TAAR5: variants seen among roughly 807,000 people sequenced by gnomAD.
TAAR5 encodes trace amine associated receptor 5.
TAAR5 carries 27 observed loss-of-function variants against 21.1 expected under a neutral mutation model. That is an observed-to-expected ratio of 1.28 (90% CI 0.94 to 1.76). The LOEUF is 1.76. TAAR5 is among the 40% of genes most tolerant of loss of function. TAAR5 has a pLI of 0.00. For missense variants in TAAR5, 495 were observed against 405.6 expected, an observed-to-expected ratio of 1.22 and a Z score of -1.89; for synonymous variants, 203 against 167.5, an observed-to-expected ratio of 1.21 and a Z score of -1.64.
At chr6:132,593,273 T>C (rs1212541910), upstream of TAAR5, among the ~76,000 whole-genome samples, 1 of 152,168 alleles carries the variant, frequency 6.6e-6, no homozygotes, top group Non-Finnish European at 1.5e-5. Flanking sequence ...ACAACACATA[T>C]TACCCTGTAG....
At position 132,588,653 on chromosome 6, in the gene TAAR5, C is replaced by A; in HGVS notation, c.*20G>T. Reference sequence around the variant, plus strand: ...CTTTCCTGTGAGGTCCTACTCCTTGCCTGCATTTAGTAGAAGGAATCATTC... The same window carrying A: ...CTTTCCTGTGAGGTCCTACTCCTTGACTGCATTTAGTAGAAGGAATCATTC... On this transcript the variant is annotated 3_prime_UTR_variant, in exon 1 of 1. Coordinates refer to ENST00000258034, the MANE Select transcript of TAAR5 (RefSeq NM_003967.3). 6.3e-7 allele frequency: 1 copy of A among 1,592,564 alleles called. No individual in the cohort carries two copies.
At chr6:132,610,765 A>G in the TAAR5 span, among the ~76,000 whole-genome samples, 4 of 152,178 alleles carry the variant, frequency 2.6e-5, no homozygotes, top group Middle Eastern at 3.2e-3. Context: ...ACTTCCAAAG[A>G]GGAGGTAGCA....
At chr6:132,614,339 T>C in the TAAR5 span, among the ~76,000 whole-genome samples, 1 of 152,226 alleles carries the variant, frequency 6.6e-6, no homozygotes, top group Non-Finnish European at 1.5e-5. Flanking sequence ...TGCCACTATA[T>C]AAAAATTTAC....
At chr6:132,604,633 C>T in the TAAR5 span, among the ~76,000 whole-genome samples, 111 of 152,176 alleles carry the variant, frequency 7.3e-4, no homozygotes, top group East Asian at 2.5e-3. Context: ...AGGAGAGATT[C>T]GACGTGCAAG....
chr6:132,602,363 C>A, the TAAR5 span, among the ~76,000 whole-genome samples: 1 of 152,134 alleles, frequency 6.6e-6, no homozygotes, highest in Admixed American at 6.6e-5. Flanking sequence ...ATGGCTCCAT[C>A]CAGGGGTGAT....
chr6:132,590,584 AATG>A (rs1227093627), upstream of TAAR5, among the ~76,000 whole-genome samples: 1 of 152,230 alleles, frequency 6.6e-6, no homozygotes, highest in Non-Finnish European at 1.5e-5. Context: ...TGTTGGCCAC[AATG>A]ACAGGTGTGC....
chr6:132,609,032 C>G, the TAAR5 span: 1 of 455,516 alleles, frequency 2.2e-6, no homozygotes, highest in South Asian at 1.6e-5. Flanking sequence ...GGCATAATGA[C>G]AAAACCCAGC....
In TAAR5 at chr6:132,589,590, T is replaced by G; in HGVS notation, c.97A>C (p.Ile33Leu). 1 of 1,613,910 alleles carries G rather than the reference T, an allele frequency of 6.2e-7. No individual in the cohort carries two copies. Among genetic ancestry groups the G allele is most frequent in the Non-Finnish European group, 8.5e-7 (1 of 1,179,928 alleles). Residue 33 changes from isoleucine to leucine, a missense_variant, in exon 1 of 1, where the codon ATC becomes CTC. Ile to Leu is a conservative substitution (Grantham distance 5). Coordinates refer to ENST00000258034, the MANE Select transcript of TAAR5 (RefSeq NM_003967.3). ...SCPRTVHTLG[I>L]QLVIYLACAA... Reference sequence around the variant, plus strand: ...CAGGCCAGGTAGATGACCAACTGGATGCCCAGAGTATGTACTGTCCTGGGG... The same window carrying G: ...CAGGCCAGGTAGATGACCAACTGGAGGCCCAGAGTATGTACTGTCCTGGGG...
the TAAR5 span, among the ~76,000 whole-genome samples, chr6:132,597,775 G>A: frequency 2.0e-5 from 3 of 152,270 alleles, no homozygotes; most frequent in African/African-American, 7.2e-5. Flanking sequence ...AACATCCGTT[G>A]ACAATTCTGG....
the TAAR5 span, among the ~76,000 whole-genome samples, chr6:132,600,160 A>G: frequency 3.9e-4 from 59 of 152,312 alleles, no homozygotes; most frequent in African/African-American, 1.3e-3. Flanking sequence ...CTACCCAGCT[A>G]CAGCTGGTTC....
the TAAR5 span, among the ~76,000 whole-genome samples, chr6:132,610,059 G>C: frequency 3.9e-5 from 6 of 151,952 alleles, no homozygotes; most frequent in Non-Finnish European, 5.9e-5. Context: ...ATCCCTGAGA[G>C]ACCAATAAAA....
At chr6:132,601,255 CACTA>C in the TAAR5 span, among the ~76,000 whole-genome samples, 753 of 152,286 alleles carry the variant, frequency 4.9e-3, 1 homozygote, top group Non-Finnish European at 7.7e-3. Flanking sequence ...TTTTCTCATA[CACTA>C]ACTAACAAAT....
the TAAR5 span, among the ~76,000 whole-genome samples, chr6:132,604,623 A>G: frequency 1.3e-5 from 2 of 152,120 alleles, no homozygotes; most frequent in Admixed American, 6.6e-5. Flanking sequence ...TGCAGCTGAG[A>G]GGAGAGATTC....
At chr6:132,614,386 A>G in the TAAR5 span, among the ~76,000 whole-genome samples, 1 of 152,250 alleles carries the variant, frequency 6.6e-6, no homozygotes, top group African/African-American at 2.4e-5. Flanking sequence ...AAAATTTAAG[A>G]CCTTTTACCA....
the TAAR5 span, among the ~76,000 whole-genome samples, chr6:132,596,280 C>G: frequency 5.3e-5 from 8 of 152,108 alleles, no homozygotes; most frequent in Non-Finnish European, 1.2e-4. Flanking sequence ...TAATTAATGC[C>G]ATTGCCCTTG....
the TAAR5 span, among the ~76,000 whole-genome samples, chr6:132,600,523 G>A: frequency 6.6e-6 from 1 of 152,116 alleles, no homozygotes; most frequent in Non-Finnish European, 1.5e-5. Context: ...GAGCTCCATG[G>A]AGAATAAAAT....
the TAAR5 span, among the ~76,000 whole-genome samples, chr6:132,598,426 T>A: frequency 1.3e-5 from 2 of 151,954 alleles, no homozygotes; most frequent in African/African-American, 4.9e-5. Flanking sequence ...CTCCTTTGGC[T>A]TGCCAAAATT....
At chr6:132,597,848 T>A in the TAAR5 span, among the ~76,000 whole-genome samples, 1 of 152,194 alleles carries the variant, frequency 6.6e-6, no homozygotes, top group Admixed American at 6.5e-5. Context: ...GAGAAGACGA[T>A]AGACTAATGA....
At chr6:132,615,621 G>T in the TAAR5 span, among the ~76,000 whole-genome samples, 2 of 151,888 alleles carry the variant, frequency 1.3e-5, no homozygotes, top group African/African-American at 4.8e-5. Context: ...CCTGGGAAAT[G>T]AAGACAGAGT....
Sources: allele counts gnomAD v4.1 joint callset (sites outside exome capture counted in the v4.1 genomes callset), GRCh38; gene constraint gnomAD v4.1.1; transcripts MANE v1.5; gene names NCBI Gene and HGNC (gene_info 2026-07-23, HGNC 2026-07-21).